Variants in PLA2R1 observed in about 807,000 individuals in gnomAD.
PLA2R1 encodes secretory phospholipase A2 receptor.
PLA2R1 carries 158 observed loss-of-function variants against 195.9 expected under a neutral mutation model. That is an observed-to-expected ratio of 0.81 (90% CI 0.71 to 0.92). The LOEUF (loss-of-function observed/expected upper bound fraction) is 0.92, where lower values mean the gene tolerates loss of function less well. Among genes scored for constraint, PLA2R1 ranks in the 40% least tolerant of loss-of-function variants. The pLI is 0.00. For missense variants in PLA2R1, 1,626 were observed against 1,764.6 expected (o/e 0.92, Z 1.41); for synonymous variants, 586 against 598.2 (o/e 0.98, Z 0.30).
At chr2:159,955,585 CTA>C in intron 22 of PLA2R1, 111 bp downstream of exon 22, 2 of 427,254 alleles carry the variant, frequency 4.7e-6, no homozygotes, top group Non-Finnish European at 7.7e-6. Context: ...TAATAAAAAA[CTA>C]ATATAAATTT....
chr2:160,013,828 G>A (rs902280306), intron 9 of PLA2R1, among the ~76,000 whole-genome samples: 4 of 151,614 alleles, frequency 2.6e-5, no homozygotes, highest in Non-Finnish European at 5.9e-5. Flanking sequence ...TGGCTCTAGG[G>A]TCAGGATGCA....
chr2:160,046,604 T>G lies in PLA2R1; in HGVS notation c.110-1447A>C, dbSNP rs76229397. ...GATACTGTTTCAAAAAGATTGTCAATGTATTAATAAATGGTATACCTCATC... is the reference window on the plus strand; with the variant it reads ...GATACTGTTTCAAAAAGATTGTCAAGGTATTAATAAATGGTATACCTCATC... On this transcript the variant is annotated intron_variant, in intron 1 of 29. Coordinates refer to ENST00000283243, the MANE Select transcript of PLA2R1 (RefSeq NM_007366.5). 1.0e-2 allele frequency among the ~76,000 whole-genome samples: 1,516 copies of G among 152,334 alleles called. 29 individuals are homozygous for G. The highest frequency in any genetic ancestry group is 0.055 in the Middle Eastern group (16 of 292).
chr2:160,008,072 C>G (rs1281175404), intron 10 of PLA2R1, among the ~76,000 whole-genome samples: 3 of 152,318 alleles, frequency 2.0e-5, no homozygotes, highest in Non-Finnish European at 4.4e-5. Context: ...GAGACTGAGG[C>G]AGGCAGCCTG....
At chr2:160,024,388 G>C (rs977531090) in intron 6 of PLA2R1, among the ~76,000 whole-genome samples, 15 of 152,272 alleles carry the variant, frequency 9.9e-5, no homozygotes, top group African/African-American at 3.4e-4. Context: ...GCCCCTCAGA[G>C]CCTGAGCTGG....
rs1480991015 is a variant in PLA2R1 at position 159,987,663 on chromosome 2, T to G, written c.1835-305A>C. ...GCTATTCCTATCTGGAACCAAAATA[T>G]CCCCCATATTTCAATATTGTACTTC... On this transcript the variant is annotated intron_variant, in intron 11 of 29. Transcript: ENST00000283243. Among the ~76,000 whole-genome samples, 3 of 152,060 alleles carry G rather than the reference T, an allele frequency of 2.0e-5. No individual in the cohort carries two copies. In the East Asian group the frequency reaches 5.8e-4, roughly 29 times the overall value.
chr2:160,025,913 T>C (rs1307993336), intron 6 of PLA2R1, among the ~76,000 whole-genome samples: 2 of 152,130 alleles, frequency 1.3e-5, no homozygotes, highest in Non-Finnish European at 2.9e-5. Context: ...AAGTAGCAGA[T>C]ATGTAGGATG....
intron 6 of PLA2R1, among the ~76,000 whole-genome samples, chr2:160,023,922 C>A (rs1693327214): frequency 8.1e-6 from 1 of 123,554 alleles, no homozygotes; most frequent in Non-Finnish European, 1.6e-5. Flanking sequence ...CCGTTATAAG[C>A]AGCTCAGAGC....
At chr2:160,022,621 C>T (rs1693214145) in intron 7 of PLA2R1, 44 bp downstream of exon 7, 2 of 1,169,226 alleles carry the variant, frequency 1.7e-6, no homozygotes, top group Non-Finnish European at 2.4e-6. Context: ...GTAGTTACTA[C>T]ATTATATTTT....
intron 3 of PLA2R1, among the ~76,000 whole-genome samples, 193 bp downstream of exon 3, chr2:160,041,832 G>A (rs991866212): frequency 1.3e-5 from 2 of 152,164 alleles, no homozygotes; most frequent in Non-Finnish European, 2.9e-5. Flanking sequence ...TGAATGTACG[G>A]CAAAAAGAAT....
Position 160,054,320 on chromosome 2 carries a change from C to A in PLA2R1, c.109+7975G>T, listed in dbSNP as rs568881212. ...AAAAGAAAAAAATAATAGTGCTGGC[C>A]TCACAAGGCCTTGATAGGGATTATC... is the stretch of plus-strand genomic sequence containing the variant. On this transcript the variant is annotated intron_variant, in intron 1 of 29. Coordinates refer to ENST00000283243, the MANE Select transcript of PLA2R1 (RefSeq NM_007366.5). Among the ~76,000 whole-genome samples, 404 of 152,204 alleles carry A rather than the reference C, an allele frequency of 2.7e-3. 1 individual carries two copies. Among genetic ancestry groups the A allele is most frequent in the Non-Finnish European group, 4.2e-3 (284 of 68,014 alleles).
chr2:159,924,734 G>GC, the PLA2R1 span, among the ~76,000 whole-genome samples: 140 of 150,782 alleles, frequency 9.3e-4, 1 homozygote, highest in African/African-American at 3.1e-3. Flanking sequence ...GGGGCTGGGG[G>GC]GGGGGCGGTG....
At chr2:159,979,798 C>T (rs756277525) in intron 14 of PLA2R1, 32 bp downstream of exon 14, 2 of 1,293,732 alleles carry the variant, frequency 1.5e-6, no homozygotes, top group Non-Finnish European at 2.2e-6. Context: ...TGTTTTGAAT[C>T]CATCCCTTTT....
In PLA2R1 at chr2:159,941,750, G is replaced by T. The variant is rs747628224; in HGVS notation, c.*28C>A. ...TGTTTAGTCTTCTTTACTTACCCTG[G>T]TGTCTGTGGCATTCTCTGACCTCAT... is the stretch of plus-strand genomic sequence containing the variant. On this transcript the variant is annotated 3_prime_UTR_variant, in exon 30 of 30. Coordinates refer to ENST00000283243, the MANE Select transcript of PLA2R1 (RefSeq NM_007366.5). 7 of 1,227,088 alleles carry T rather than the reference G, an allele frequency of 5.7e-6. No individual in the cohort carries two copies. In the Admixed American group the frequency reaches 1.2e-4, roughly 21 times the overall value. The allele number at this position is 1,227,088 out of a possible 1,614,324, so 76.0% of individuals were successfully genotyped here. A position where few individuals can be genotyped will look rare whatever the true frequency, so the allele number is the denominator to read the frequency against.
chr2:160,054,735 T>C (rs1318365083), intron 1 of PLA2R1, among the ~76,000 whole-genome samples: 2 of 152,256 alleles, frequency 1.3e-5, no homozygotes, highest in African/African-American at 2.4e-5. Flanking sequence ...ATATAGTGTT[T>C]ATATGGTGTT....
intron 1 of PLA2R1, among the ~76,000 whole-genome samples, chr2:160,052,586 T>C (rs933961167): frequency 2.6e-5 from 4 of 152,230 alleles, no homozygotes; most frequent in Non-Finnish European, 5.9e-5. Context: ...AGCTCTGTGA[T>C]TATCTTATTG....
rs768451892 is a variant in PLA2R1 at position 159,944,922 on chromosome 2, T to A, written c.4128A>T (p.Ile1376=). 2 of 1,612,608 alleles carry A rather than the reference T, an allele frequency of 1.2e-6. No homozygotes were observed. Among genetic ancestry groups the A allele is most frequent in the South Asian group, 1.1e-5 (1 of 91,000 alleles). ...LSPCQEKKGF[I]CKMEADIHTA... is the part of the protein sequence containing the mutation. ...TTTACCTACCTGCCTCCATTTTACA[T>A]ATAAAGCCTTTTTTTTCTTGACACG... Residue 1376 remains isoleucine (I), a synonymous_variant, in exon 28 of 30, where the codon ATA becomes ATT. Transcript: ENST00000283243.
At chr2:160,032,339 A>G (rs529979319) in intron 4 of PLA2R1, among the ~76,000 whole-genome samples, 8 of 152,364 alleles carry the variant, frequency 5.3e-5, no homozygotes, top group African/African-American at 1.9e-4. Flanking sequence ...ACAAGTTTTT[A>G]AAGAGGTGAA....
intron 9 of PLA2R1, among the ~76,000 whole-genome samples, chr2:160,013,793 C>T (rs1468807276): frequency 4.0e-5 from 6 of 149,846 alleles, no homozygotes; most frequent in Non-Finnish European, 7.4e-5. Flanking sequence ...TAAATGGTCC[C>T]GACAGGAGGG....
chr2:160,013,870 A>G (rs1419087558), intron 9 of PLA2R1, among the ~76,000 whole-genome samples: 1 of 151,986 alleles, frequency 6.6e-6, no homozygotes, highest in Non-Finnish European at 1.5e-5. Context: ...CTACTGTGCA[A>G]CCTTGTTTAA....
Sources: gnomAD v4.1 joint callset for allele counts (sites outside exome capture counted in the v4.1 genomes callset) on GRCh38, gnomAD v4.1.1 for gene constraint, MANE v1.5 for transcripts, NCBI Gene and HGNC (gene_info 2026-07-23, HGNC 2026-07-21) for gene names.